Variants in PCDHA3 observed in about 807,000 individuals in gnomAD.
PCDHA3 encodes the protein protocadherin alpha-3.
In PCDHA3, 41 loss-of-function variants were observed where a neutral mutation model predicts 62.2. The ratio of observed to expected loss-of-function variants is 0.66; its 90% CI spans 0.51 to 0.86. The LOEUF (loss-of-function observed/expected upper bound fraction) is 0.86, where lower values mean the gene tolerates loss of function less well. Ranked by LOEUF, PCDHA3 falls within the 40% of genes least tolerant of loss-of-function variation. The probability of loss-of-function intolerance (pLI) is 0.00; values close to 1 mark genes in which losing one functional copy is unlikely to be tolerated. For missense variants in PCDHA3, 1,304 were observed against 1,241.2 expected, an observed-to-expected ratio of 1.05 and a Z score of -0.76; for synonymous variants, 640 against 555.4, an observed-to-expected ratio of 1.15 and a Z score of -2.14.
At chr5:140,930,013 G>A (rs2086530432) in intron 1 of PCDHA3, 1 of 152,118 alleles carries the variant, frequency 6.6e-6, no homozygotes, top group Admixed American at 6.5e-5. Context: ...ATAGCTGATA[G>A]CTCCATAGCA....
chr5:140,801,878 A>G lies in PCDHA3; in HGVS notation c.681A>G (p.Gln227=). The change falls in exon 1 of 4, where the codon CAA becomes CAG. Residue 227 remains glutamine (Q), a synonymous_variant. Transcript: ENST00000522353. ...AACCAGAGCTCACTGGCACGACTCAACTAAAGATCACTGTTTTAGATGTAA... is the reference window on the plus strand; with the variant it reads ...AACCAGAGCTCACTGGCACGACTCAGCTAAAGATCACTGTTTTAGATGTAA... ...GGKPELTGTT[Q]LKITVLDVND... is the part of the protein sequence containing the mutation. 1.9e-6 allele frequency: 3 copies of G among 1,614,182 alleles called. No homozygotes were observed. Among genetic ancestry groups the G allele is most frequent in the Non-Finnish European group, 1.7e-6 (2 of 1,180,048 alleles).
At chr5:140,879,086 A>G (rs1182722619) in intron 1 of PCDHA3, among the ~76,000 whole-genome samples, 2 of 152,226 alleles carry the variant, frequency 1.3e-5, no homozygotes, top group Admixed American at 6.5e-5. Context: ...ATAAGTAGGA[A>G]CAACTGCACA....
At chr5:140,966,489 C>A in intron 1 of PCDHA3, 2 of 440,146 alleles carry the variant, frequency 4.5e-6, no homozygotes, top group Non-Finnish European at 7.9e-6. Flanking sequence ...TTCCCTCCCC[C>A]TGGAGCTGTA....
At position 140,801,987 on chromosome 5, in the gene PCDHA3, G is replaced by C. The variant is rs782305894; in HGVS notation, c.790G>C (p.Val264Leu). Residue 264 changes from valine to leucine, a missense_variant, in exon 1 of 4, where the codon GTT (valine) becomes CTT (leucine). By Grantham distance (32) the Val-to-Leu change is conservative. Coordinates refer to ENST00000522353, the MANE Select transcript of PCDHA3 (RefSeq NM_018906.3). ...ACCAAATGGTACCCTAGTGGTGACC[G>C]TTAACGCCACCGATTTGGATGAAGG... Reference protein sequence around the residue: ...NAPNGTLVVTVNATDLDEGVN... With the variant: ...NAPNGTLVVTLNATDLDEGVN... 9.9e-6 allele frequency: 16 copies of C among 1,614,224 alleles called. No individual in the cohort carries two copies. In the South Asian group the frequency reaches 1.8e-4, roughly 18 times the overall value.
At chr5:140,909,868 G>A (rs782144709) in intron 1 of PCDHA3, among the ~76,000 whole-genome samples, 9 of 152,136 alleles carry the variant, frequency 5.9e-5, no homozygotes, top group Non-Finnish European at 8.8e-5. Flanking sequence ...TGGAGTCAAC[G>A]TCAGCTTAGA....
In PCDHA3 at chr5:140,883,748, C is replaced by T. The variant is rs782541066; in HGVS notation, c.2394+80157C>T. The T allele has an allele frequency of 4.3e-6, 7 of 1,613,146 alleles. No individual in the cohort carries two copies. The East Asian group carries it at 1.6e-4, about 36-fold the overall frequency. On this transcript the variant is annotated intron_variant, in intron 1 of 3. Transcript: ENST00000522353. ...GGAGAACGCGCTGGTCTCCTACTCG[C>T]TGGTGGAGCGGCGGGTGGGCGAGCG... is the stretch of plus-strand genomic sequence containing the variant.
intron 1 of PCDHA3, chr5:140,808,193 G>A: frequency 6.2e-7 from 1 of 1,614,238 alleles, no homozygotes; most frequent in Non-Finnish European, 8.5e-7. Context: ...CCATTGTAGA[G>A]TTATTGTGGA....
At chr5:140,905,298 T>A (rs1171619023) in intron 1 of PCDHA3, among the ~76,000 whole-genome samples, 2 of 152,218 alleles carry the variant, frequency 1.3e-5, no homozygotes, top group African/African-American at 2.4e-5. Context: ...TAAGGTGTCC[T>A]TTCCACACTT....
intron 1 of PCDHA3, chr5:140,850,430 G>C (rs1346427061): frequency 1.9e-6 from 3 of 1,597,884 alleles, no homozygotes; most frequent in Non-Finnish European, 1.7e-6. Context: ...CACCGCGCCA[G>C]CGCCTACTGG....
In PCDHA3 at chr5:141,009,754, C is replaced by A. The variant is rs200585286; in HGVS notation, c.2670C>A (p.Ile890=). 18 of 1,614,022 alleles carry A rather than the reference C, an allele frequency of 1.1e-5. No individual in the cohort carries two copies. Among genetic ancestry groups the A allele is most frequent in the Non-Finnish European group, 1.5e-5 (18 of 1,180,034 alleles). ...GTGAGTTGCCCGACAAATTCATTAT[C>A]CCAGGATCTCCTGCAATCATCTCCA... The part of the protein sequence containing the change: ...GPGELPDKFI[I]PGSPAIISIR... The change falls in exon 4 of 4, where the codon ATC becomes ATA. Residue 890 remains isoleucine, a synonymous_variant. Coordinates refer to ENST00000522353, the MANE Select transcript of PCDHA3 (RefSeq NM_018906.3).
rs17119231 is a variant in PCDHA3, at chr5:140,804,783, C to A, written c.2394+1192C>A. 3.2e-3 allele frequency: 849 copies of A among 266,884 alleles called. 8 individuals are homozygous for A. The highest frequency in any genetic ancestry group is 0.024 in the Admixed American group (445 of 18,618). 16.5% of individuals were successfully genotyped at this position (266,884 alleles called of 1,614,324 possible). A position where few individuals can be genotyped will look rare whatever the true frequency, so the allele number is the denominator to read the frequency against. On this transcript the variant is annotated intron_variant, in intron 1 of 3. Transcript: ENST00000522353. ...ATTAGTTGGACTCCCATTTAAGTTT[C>A]CCTACCACTGGAGAGAAATAGTAAC...
At position 140,906,523 on chromosome 5, in the gene PCDHA3, C is replaced by T. The variant is rs145617697; in HGVS notation, c.2395-72426C>T. Among the ~76,000 whole-genome samples, 1,221 of 152,284 alleles carry T rather than the reference C, an allele frequency of 8.0e-3. 6 individuals are homozygous for T. The highest frequency in any genetic ancestry group is 0.019 in the African/African-American group (786 of 41,540). On this transcript the variant is annotated intron_variant, in intron 1 of 3. Transcript: ENST00000522353. ...TTAACAAAGAAGGAGGAAATACTCA[C>T]GACAATTAAAATCCTCATTTCTGCA...
intron 1 of PCDHA3, among the ~76,000 whole-genome samples, chr5:140,952,645 G>A (rs1396823510): frequency 6.6e-6 from 1 of 152,082 alleles, no homozygotes; most frequent in Non-Finnish European, 1.5e-5. Context: ...ACCTGTGCCT[G>A]GTTACCCAGT....
intron 1 of PCDHA3, chr5:140,883,975 G>A (rs1167945773): frequency 1.2e-6 from 2 of 1,612,842 alleles, no homozygotes; most frequent in African/African-American, 2.7e-5. Flanking sequence ...TGACGCCCGG[G>A]GCTGGCAGCG....
chr5:140,822,318 T>G, intron 1 of PCDHA3: 1 of 1,614,174 alleles, frequency 6.2e-7, no homozygotes, highest in Non-Finnish European at 8.5e-7. Flanking sequence ...ACTTAGATGT[T>G]AAAACAAATG....
At chr5:140,860,689 G>A (rs1478164991) in intron 1 of PCDHA3, 3 of 152,174 alleles carry the variant, frequency 2.0e-5, no homozygotes, top group African/African-American at 7.2e-5. Flanking sequence ...TGTTTTGAGC[G>A]ACAGGATATT....
At chr5:140,881,074 A>G (rs1416572917) in intron 1 of PCDHA3, among the ~76,000 whole-genome samples, 1 of 152,200 alleles carries the variant, frequency 6.6e-6, no homozygotes, top group African/African-American at 2.4e-5. Context: ...TAATTATTGG[A>G]GCTATGATAT....
rs1780817740 is a variant in PCDHA3 at position 140,847,024 on chromosome 5, AAG to A, written c.2394+43437_2394+43438del. Among the ~76,000 whole-genome samples, 2 of 149,770 alleles carry A rather than the reference AAG, an allele frequency of 1.3e-5. 1 individual carries two copies. Among genetic ancestry groups the A allele is most frequent in the Non-Finnish European group, 3.0e-5 (2 of 66,958 alleles). The stretch of plus-strand genomic sequence containing the variant: ...TTGAGAATGATAGACATTTCTTGGA[AAG>A]AGAAAACATAAGGAAAGTTGAAGAC... On this transcript the variant is annotated intron_variant, in intron 1 of 3. Coordinates refer to ENST00000522353, the MANE Select transcript of PCDHA3 (RefSeq NM_018906.3).
rs781829474 is a variant in PCDHA3, at chr5:140,803,450, G to T, written c.2253G>T (p.Ser751=). The T allele has an allele frequency of 5.0e-6, 8 of 1,613,972 alleles. No homozygotes were observed. The highest frequency in any genetic ancestry group is 3.3e-5 in the South Asian group (3 of 91,080). The change falls in exon 1 of 4, where the codon TCG becomes TCT. Residue 751 remains serine, a synonymous_variant. Coordinates refer to ENST00000522353, the MANE Select transcript of PCDHA3 (RefSeq NM_018906.3). ...CSSAVGSWSY[S]QQRQQRVCSG... Reference sequence around the variant, plus strand: ...GCGCGGTGGGGAGCTGGTCATACTCGCAGCAGAGGCAGCAGAGGGTGTGCT... The same window carrying T: ...GCGCGGTGGGGAGCTGGTCATACTCTCAGCAGAGGCAGCAGAGGGTGTGCT...
Sources: allele counts gnomAD v4.1 joint callset (sites outside exome capture counted in the v4.1 genomes callset), GRCh38; gene constraint gnomAD v4.1.1; transcripts MANE v1.5; gene names NCBI Gene and HGNC (gene_info 2026-07-23, HGNC 2026-07-21).